DCAF5: variants seen among roughly 807,000 people sequenced by gnomAD.
The protein encoded by DCAF5 is DDB1 and CUL4 associated factor 5, also known as DDB1- and CUL4-associated factor 5.
Under a neutral mutation model 80.7 loss-of-function variants are expected in DCAF5, and 9 were observed. The observed-to-expected ratio is 0.11, with a 90% CI of 0.07 to 0.19. DCAF5 has a LOEUF of 0.19. DCAF5 is among the 10% of genes least tolerant of loss of function. DCAF5 has a pLI of 1.00. For synonymous variants in DCAF5, 433 were observed against 461.9 expected (o/e 0.94, Z 0.80); for missense variants, 842 against 1,205.7 (o/e 0.70, Z 4.47).
chr14:69,116,728 A>T (rs2140056311), intron 4 of DCAF5, among the ~76,000 whole-genome samples: 2 of 152,298 alleles, frequency 1.3e-5, no homozygotes, highest in South Asian at 4.1e-4. Flanking sequence ...AACACCCAGA[A>T]ATATATATAG....
intron 1 of DCAF5, among the ~76,000 whole-genome samples, chr14:69,150,885 A>G (rs2041681138): frequency 6.6e-6 from 1 of 152,106 alleles, no homozygotes; most frequent in African/African-American, 2.4e-5. Context: ...ACAGAGTGAT[A>G]CCCTGTCTCA....
chr14:69,054,712 T>A lies in DCAF5; in HGVS notation c.1974A>T (p.Arg658=). The change falls in exon 9 of 9, where the codon CGA becomes CGT. Residue 658 remains arginine (R), a synonymous_variant. Transcript: ENST00000341516. ...SPTSDIESVE[R]KIYKAYKWLR... is the part of the protein sequence containing the mutation. ...GCCACTTGTAAGCTTTATAAATTTT[T>A]CGCTCAACTGATTCTATGTCAGAAG... 6.2e-7 allele frequency: 1 copy of A among 1,614,256 alleles called. No individual in the cohort carries two copies. The highest frequency in any genetic ancestry group is 8.5e-7 in the Non-Finnish European group (1 of 1,180,044).
chr14:69,152,979 G>A lies in DCAF5; in HGVS notation c.-1C>T. ...CCCCCAGGCCAGCTCTCCTCTTCATGCTGGAACCGCCGCCGCCGCCGCTCG... is the reference window on the plus strand; with the variant it reads ...CCCCCAGGCCAGCTCTCCTCTTCATACTGGAACCGCCGCCGCCGCCGCTCG... On this transcript the variant is annotated 5_prime_UTR_variant, in exon 1 of 9. Coordinates refer to ENST00000341516, the MANE Select transcript of DCAF5 (RefSeq NM_003861.3). This position sits in a 1 kb window ranked among gnomAD's most constrained non-coding sequence, Gnocchi z 4.1. 1 of 1,567,174 alleles carries A rather than the reference G, an allele frequency of 6.4e-7. No individual in the cohort carries two copies. The highest frequency in any genetic ancestry group is 8.6e-7 in the Non-Finnish European group (1 of 1,161,010).
At position 69,052,817 on chromosome 14, in the gene DCAF5, A is replaced by C. The variant is rs1009763915; in HGVS notation, c.*1040T>G. The C allele has an allele frequency of 9.2e-5, 14 of 152,298 alleles. No homozygotes were observed. The highest frequency in any genetic ancestry group is 8.5e-4 in the Admixed American group (13 of 15,290). The allele number at this position is 152,298 out of a possible 1,614,324, so 9.4% of individuals were successfully genotyped here. ...AACTGCAAGTCTGAGGGAAGATGCC[A>C]GTCCCACCAATTCTGACCAATGGTT... On this transcript the variant is annotated 3_prime_UTR_variant, in exon 9 of 9. Transcript: ENST00000341516.
chr14:69,129,969 C>CAAATCACTA (rs1438387019), intron 1 of DCAF5, among the ~76,000 whole-genome samples: 1 of 152,190 alleles, frequency 6.6e-6, no homozygotes, highest in African/African-American at 2.4e-5. Context: ...ATCACTAATT[C>CAAATCACTA]ATCAAAAAAT....
At chr14:69,092,324 T>C (rs1339094436) in intron 5 of DCAF5, among the ~76,000 whole-genome samples, 1 of 152,024 alleles carries the variant, frequency 6.6e-6, no homozygotes, top group Non-Finnish European at 1.5e-5. Flanking sequence ...GAACCATCAG[T>C]AAAAACAATA....
At chr14:69,119,373 G>T in intron 2 of DCAF5, 143 bp from the exon 3 acceptor site, 1 of 719,434 alleles carries the variant, frequency 1.4e-6, no homozygotes, top group Non-Finnish European at 2.2e-6. Flanking sequence ...CTGGAAAAAA[G>T]ATTTATAGAA....
chr14:69,105,147 C>G (rs1042308355), intron 5 of DCAF5, among the ~76,000 whole-genome samples: 11 of 151,442 alleles, frequency 7.3e-5, no homozygotes, highest in Middle Eastern at 3.4e-3. Flanking sequence ...GTAATATACC[C>G]AAAATAATTG....
Position 69,055,339 on chromosome 14 carries a change from C to G in DCAF5, c.1347G>C (p.Gly449=). 6.2e-7 allele frequency: 1 copy of G among 1,614,126 alleles called. No homozygotes were observed. Among genetic ancestry groups the G allele is most frequent in the Non-Finnish European group, 8.5e-7 (1 of 1,180,026 alleles). The change falls in exon 9 of 9, where the codon GGG becomes GGC. Residue 449 remains glycine, a synonymous_variant. Coordinates refer to ENST00000341516, the MANE Select transcript of DCAF5 (RefSeq NM_003861.3). This position sits in a 1 kb window ranked among gnomAD's most constrained non-coding sequence, Gnocchi z 5.6. The part of the protein sequence containing the change: ...SESTILQLHA[G]VSERSGYTDS... ...CAGTGTAGCCTGAGCGCTCGCTGAC[C>G]CCAGCGTGCAGTTGGAGGATAGTAC...
In DCAF5 at chr14:69,052,156, T is replaced by C. The variant is rs943224841; in HGVS notation, c.*1701A>G. 1 of 152,304 alleles carries C rather than the reference T, an allele frequency of 6.6e-6. No homozygotes were observed. Among genetic ancestry groups the C allele is most frequent in the African/African-American group, 2.4e-5 (1 of 41,446 alleles). 9.4% of individuals were successfully genotyped at this position (152,304 alleles called of 1,614,324 possible). ...AGCCGCATTACACACACCAGGCACA[T>C]CTTCTCTTTCACAGAGCTTATCAGG... On this transcript the variant is annotated 3_prime_UTR_variant, in exon 9 of 9. Coordinates refer to ENST00000341516, the MANE Select transcript of DCAF5 (RefSeq NM_003861.3).
intron 6 of DCAF5, chr14:69,084,640 G>T: frequency 9.8e-7 from 1 of 1,022,104 alleles, no homozygotes. Flanking sequence ...CATTCCTTAA[G>T]AAGAACCAAA....
intron 1 of DCAF5, among the ~76,000 whole-genome samples, chr14:69,127,876 A>C (rs2040924305): frequency 6.6e-6 from 1 of 152,208 alleles, no homozygotes; most frequent in Non-Finnish European, 1.5e-5. Flanking sequence ...ATAATATTGG[A>C]AGTAAATTTA....
At chr14:69,061,502 A>G (rs2038214311) in intron 8 of DCAF5, among the ~76,000 whole-genome samples, 1 of 152,204 alleles carries the variant, frequency 6.6e-6, no homozygotes, top group Non-Finnish European at 1.5e-5. Flanking sequence ...TTGCAGTTAT[A>G]AAAACATTTC....
At chr14:69,139,922 A>G (rs1182554021) in intron 1 of DCAF5, among the ~76,000 whole-genome samples, 1 of 150,938 alleles carries the variant, frequency 6.6e-6, no homozygotes, top group Non-Finnish European at 1.5e-5. Flanking sequence ...AGAAGGAAGG[A>G]AAGAAGGAAG....
At chr14:69,120,478 C>T (rs1433781915) in intron 2 of DCAF5, among the ~76,000 whole-genome samples, 1 of 152,078 alleles carries the variant, frequency 6.6e-6, no homozygotes, top group Admixed American at 6.6e-5. Flanking sequence ...TGTATTTCTC[C>T]TTATTCTATC....
At position 69,152,737 on chromosome 14, in the gene DCAF5, C is replaced by A. The variant is rs375667888; in HGVS notation, c.214+28G>T. 436 of 1,572,444 alleles carry A rather than the reference C, an allele frequency of 2.8e-4. No homozygotes were observed. The highest frequency in any genetic ancestry group is 1.4e-3 in the Middle Eastern group (7 of 4,872). ...GGGAGGCTGGGAGGGTGCGGGGAGG[C>A]GCGGGGAGGGGAAGGGGGTTGATTT... On this transcript the variant is annotated intron_variant, in intron 1 of 8. Coordinates refer to ENST00000341516, the MANE Select transcript of DCAF5 (RefSeq NM_003861.3). The surrounding 1 kb of genome is among the most constrained non-coding windows in gnomAD (Gnocchi z 4.1).
chr14:69,054,242 G>A lies in DCAF5; in HGVS notation c.2444C>T (p.Thr815Ile). 1.2e-6 allele frequency: 2 copies of A among 1,614,252 alleles called. No individual in the cohort carries two copies. Among genetic ancestry groups the A allele is most frequent in the Non-Finnish European group, 1.7e-6 (2 of 1,180,038 alleles). Reference sequence around the variant, plus strand: ...CCTCTCCTCACTGTCATCAGACTGGGTCCTGGGACAGTTGCCAGACCCGCT... The same window carrying A: ...CCTCTCCTCACTGTCATCAGACTGGATCCTGGGACAGTTGCCAGACCCGCT... ...LNSGSGNCPR[T>I]QSDDSEERSL... is the part of the protein sequence containing the mutation. Residue 815 changes from threonine to isoleucine, a missense_variant, in exon 9 of 9, where the codon ACC becomes ATC. Physicochemically the swap from Thr to Ile is moderately conservative, Grantham distance 89 (BLOSUM62 -1). Transcript: ENST00000341516.
intron 6 of DCAF5, among the ~76,000 whole-genome samples, chr14:69,081,787 G>A (rs185790907): frequency 9.5e-4 from 144 of 152,160 alleles, no homozygotes; most frequent in African/African-American, 3.1e-3. Flanking sequence ...TTTGTGGTGC[G>A]TGCTTACACA....
intron 5 of DCAF5, among the ~76,000 whole-genome samples, chr14:69,093,548 G>A (rs1330050225): frequency 6.6e-6 from 1 of 152,146 alleles, no homozygotes; most frequent in African/African-American, 2.4e-5. Flanking sequence ...AGAATGGTGG[G>A]GAAAATTAAG....
Sources: allele counts gnomAD v4.1 joint callset (sites outside exome capture counted in the v4.1 genomes callset), GRCh38; gene constraint gnomAD v4.1.1; non-coding constraint Gnocchi (gnomAD v3.1); transcripts MANE v1.5; gene names NCBI Gene and HGNC (gene_info 2026-07-23, HGNC 2026-07-21).